CSMD1: variants seen among roughly 807,000 people sequenced by gnomAD.
The protein encoded by CSMD1 is CUB and Sushi multiple domains 1.
In CSMD1, 213 loss-of-function variants were observed where a neutral mutation model predicts 417.5. The ratio of observed to expected loss-of-function variants is 0.51; its 90% CI spans 0.46 to 0.57. The LOEUF is 0.57. Among genes scored for constraint, CSMD1 ranks in the 20% least tolerant of loss-of-function variants. The pLI is 0.00. For synonymous variants in CSMD1, 2,862 were observed against 1,736.8 expected (o/e 1.65, Z -16.11); for missense variants, 6,923 against 4,529.7 (o/e 1.53, Z -15.17).
intron 7 of CSMD1, among the ~76,000 whole-genome samples, chr8:3,622,898 G>T (rs1297800668): frequency 6.6e-6 from 1 of 152,154 alleles, no homozygotes; most frequent in Admixed American, 6.5e-5. Flanking sequence ...GTACCTCAGA[G>T]AAACATTTTC....
intron 25 of CSMD1, among the ~76,000 whole-genome samples, chr8:3,298,616 G>A (rs1036035067): frequency 6.6e-6 from 1 of 152,120 alleles, no homozygotes; most frequent in Non-Finnish European, 1.5e-5. Flanking sequence ...AACACAACTT[G>A]CTTATTTTTT....
intron 3 of CSMD1, among the ~76,000 whole-genome samples, chr8:4,116,553 GAATGAACCCTAACGTAAGCTGTA>G (rs1802161432): frequency 1.3e-5 from 1 of 75,276 alleles, no homozygotes. Flanking sequence ...AACGCGCCAT[GAATGAACCCTAACGTAAGCTGTA>G]CACATCCGAC....
intron 6 of CSMD1, among the ~76,000 whole-genome samples, chr8:3,709,494 G>A (rs75484485): frequency 3.9e-5 from 6 of 151,964 alleles, no homozygotes; most frequent in African/African-American, 1.5e-4. Flanking sequence ...GATTCTGGGG[G>A]TGTCTGTGAG....
At chr8:3,590,650 G>C (rs1346969011) in intron 8 of CSMD1, among the ~76,000 whole-genome samples, 5 of 152,262 alleles carry the variant, frequency 3.3e-5, no homozygotes, top group African/African-American at 9.6e-5. Context: ...GAATATGGAA[G>C]CTTCTCTAAT....
intron 12 of CSMD1, among the ~76,000 whole-genome samples, chr8:3,441,629 T>C (rs1415440929): frequency 6.6e-6 from 1 of 151,896 alleles, no homozygotes; most frequent in Non-Finnish European, 1.5e-5. Flanking sequence ...CCTAATGACA[T>C]AGTAGCCATT....
At chr8:4,047,756 A>AT (rs112496758) in intron 3 of CSMD1, among the ~76,000 whole-genome samples, 236 of 152,162 alleles carry the variant, frequency 1.6e-3, no homozygotes, top group Non-Finnish European at 2.5e-3. Context: ...AGAAAATGGT[A>AT]TTTTTTTGAT....
chr8:3,374,068 T>A (rs1326564103), intron 18 of CSMD1, among the ~76,000 whole-genome samples: 1 of 151,654 alleles, frequency 6.6e-6, no homozygotes, highest in African/African-American at 2.4e-5. Flanking sequence ...TTCTCCTCCC[T>A]CAGCCTCCTC....
rs74549206 is a variant in CSMD1, at chr8:4,957,620, A to C, written c.85+36712T>G. Among the ~76,000 whole-genome samples the C allele has an allele frequency of 1.4e-3, 216 of 152,356 alleles. 4 individuals are homozygous for C. In the East Asian group the frequency reaches 0.038, roughly 27 times the overall value. ...ATCCTCATATGAAAGAAAAAAATGC[A>C]CTGAAGAAATAAATGATGTTTACCA... On this transcript the variant is annotated intron_variant, in intron 1 of 69. Transcript: ENST00000635120.
chr8:3,848,142 G>C (rs1206142350), intron 5 of CSMD1, among the ~76,000 whole-genome samples: 1 of 151,648 alleles, frequency 6.6e-6, no homozygotes, highest in Non-Finnish European at 1.5e-5. Flanking sequence ...TGCTGTGACT[G>C]CTGTATGTGG....
chr8:3,528,517 T>C (rs1797846127), intron 10 of CSMD1, among the ~76,000 whole-genome samples: 1 of 152,222 alleles, frequency 6.6e-6, no homozygotes, highest in Non-Finnish European at 1.5e-5. Context: ...TGGGCTCTTC[T>C]TCCTGATAAT....
chr8:4,804,643 A>G (rs1241748019), intron 1 of CSMD1, among the ~76,000 whole-genome samples: 1 of 152,126 alleles, frequency 6.6e-6, no homozygotes, highest in African/African-American at 2.4e-5. Context: ...GAGAGATAAT[A>G]TTACAAAGAA....
intron 3 of CSMD1, among the ~76,000 whole-genome samples, chr8:4,272,366 C>A (rs1334483961): frequency 2.6e-5 from 4 of 152,074 alleles, no homozygotes; most frequent in South Asian, 4.1e-4. Flanking sequence ...TGCTGTACAT[C>A]CTTTCACCTG....
At chr8:3,858,905 T>C (rs1337148216) in intron 5 of CSMD1, among the ~76,000 whole-genome samples, 1 of 152,222 alleles carries the variant, frequency 6.6e-6, no homozygotes, top group Non-Finnish European at 1.5e-5. Context: ...CTATATATTT[T>C]ACAAATGGAT....
At chr8:3,968,067 G>C (rs1469697556) in intron 5 of CSMD1, among the ~76,000 whole-genome samples, 3 of 150,330 alleles carry the variant, frequency 2.0e-5, no homozygotes, top group Admixed American at 1.3e-4. Flanking sequence ...GGCGCCTGTA[G>C]TCCCAGCTCC....
intron 23 of CSMD1, among the ~76,000 whole-genome samples, chr8:3,339,507 G>T (rs1205566466): frequency 6.6e-6 from 1 of 152,134 alleles, no homozygotes; most frequent in Non-Finnish European, 1.5e-5. Context: ...TATCTCATCA[G>T]AGGGCCAATG....
chr8:3,739,524 T>C (rs1796688690), intron 6 of CSMD1, among the ~76,000 whole-genome samples: 1 of 152,320 alleles, frequency 6.6e-6, no homozygotes, highest in Non-Finnish European at 1.5e-5. Context: ...CAAATATGTA[T>C]AATTATTACA....
At chr8:4,087,182 A>G (rs1403019146) in intron 3 of CSMD1, among the ~76,000 whole-genome samples, 1 of 152,178 alleles carries the variant, frequency 6.6e-6, no homozygotes, top group Non-Finnish European at 1.5e-5. Flanking sequence ...CTTTCAGGGC[A>G]TCTCAGCACA....
At chr8:4,396,106 T>G (rs1172217934) in intron 3 of CSMD1, among the ~76,000 whole-genome samples, 1 of 151,030 alleles carries the variant, frequency 6.6e-6, no homozygotes, top group East Asian at 1.9e-4. Context: ...TGTTTAGTAT[T>G]TTTAAGTTTT....
At chr8:4,787,756 A>T in intron 1 of CSMD1, 2 of 1,588,740 alleles carry the variant, frequency 1.3e-6, no homozygotes, top group East Asian at 4.5e-5. Flanking sequence ...GATTGCTGCA[A>T]AATTTTGCTT....
Sources: allele counts gnomAD v4.1 joint callset (sites outside exome capture counted in the v4.1 genomes callset), GRCh38; gene constraint gnomAD v4.1.1; transcripts MANE v1.5; gene names NCBI Gene and HGNC (gene_info 2026-07-23, HGNC 2026-07-21).